The following ACSS3 variants were observed in gnomAD, a reference collection of about 807,000 sequenced individuals.
The protein encoded by ACSS3 is acyl-CoA synthetase short-chain family member 3, mitochondrial.
In ACSS3, 64 loss-of-function variants were observed where a neutral mutation model predicts 84.2. The observed-to-expected ratio is 0.76, with a 90% CI of 0.62 to 0.94. The LOEUF (loss-of-function observed/expected upper bound fraction) is 0.94, where lower values mean the gene tolerates loss of function less well. ACSS3 is among the 40% of genes least tolerant of loss of function. The pLI is 0.00. For synonymous variants in ACSS3, 317 were observed against 310.1 expected (o/e 1.02, Z -0.23); for missense variants, 815 against 867.6 (o/e 0.94, Z 0.76).
chr12:81,137,282 A>T (rs1299517768), intron 3 of ACSS3, among the ~76,000 whole-genome samples: 27 of 151,750 alleles, frequency 1.8e-4, no homozygotes, highest in Non-Finnish European at 4.0e-4. Flanking sequence ...ATAAGGATTT[A>T]AAAAACTTAT....
At chr12:81,212,004 C>T (rs925730038) in intron 9 of ACSS3, among the ~76,000 whole-genome samples, 3 of 152,248 alleles carry the variant, frequency 2.0e-5, no homozygotes, top group South Asian at 4.1e-4. Flanking sequence ...ATATTCTTTT[C>T]CCCTAAATAT....
intron 1 of ACSS3, among the ~76,000 whole-genome samples, chr12:81,109,307 A>T (rs1392331088): frequency 1.3e-5 from 2 of 152,146 alleles, no homozygotes; most frequent in African/African-American, 4.8e-5. Flanking sequence ...AAAATCCACA[A>T]AGTCGCCAGC....
chr12:81,147,683 G>GGAT, intron 5 of ACSS3, among the ~76,000 whole-genome samples: 1 of 152,210 alleles, frequency 6.6e-6, no homozygotes, highest in Non-Finnish European at 1.5e-5. Flanking sequence ...TAGAAAAAGG[G>GGAT]GATGCCATCT....
At chr12:81,216,788 T>C (rs1327240772) in intron 9 of ACSS3, 113 bp from the exon 10 acceptor site, 1 of 754,414 alleles carries the variant, frequency 1.3e-6, no homozygotes, top group Non-Finnish European at 2.2e-6. Context: ...CATCTATTCC[T>C]AACACAGCTG....
At chr12:81,106,385 T>A (rs1565978277) in intron 1 of ACSS3, among the ~76,000 whole-genome samples, 3 of 152,196 alleles carry the variant, frequency 2.0e-5, no homozygotes. Flanking sequence ...ACTGTCTAGT[T>A]ACAGGAAAAC....
At chr12:81,173,211 T>A (rs1047913534) in intron 7 of ACSS3, among the ~76,000 whole-genome samples, 2 of 152,232 alleles carry the variant, frequency 1.3e-5, no homozygotes, top group Admixed American at 6.5e-5. Context: ...TTCAGACTGA[T>A]GTACTAAAGC....
intron 11 of ACSS3, among the ~76,000 whole-genome samples, chr12:81,226,717 T>G (rs1287291909): frequency 6.6e-6 from 1 of 151,906 alleles, no homozygotes; most frequent in Non-Finnish European, 1.5e-5. Flanking sequence ...ATCTAGAATA[T>G]AAACTTTCTA....
chr12:81,218,726 G>A (rs943457899), intron 10 of ACSS3, among the ~76,000 whole-genome samples: 7 of 152,028 alleles, frequency 4.6e-5, no homozygotes, highest in Admixed American at 1.3e-4. Flanking sequence ...TTCTCTGTTA[G>A]TATTTCAGTG....
At chr12:81,189,750 T>G (rs2135868032) in intron 8 of ACSS3, among the ~76,000 whole-genome samples, 1 of 152,298 alleles carries the variant, frequency 6.6e-6, no homozygotes, top group Middle Eastern at 3.4e-3. Flanking sequence ...AAGTCTTATT[T>G]AAGACATAGG....
intron 8 of ACSS3, among the ~76,000 whole-genome samples, chr12:81,186,867 A>G (rs985037364): frequency 6.6e-6 from 1 of 151,874 alleles, no homozygotes; most frequent in Non-Finnish European, 1.5e-5. Context: ...GTATATACTC[A>G]AAGGAAATGA....
At chr12:81,143,921 A>T (rs1886206791) in intron 5 of ACSS3, among the ~76,000 whole-genome samples, 1 of 152,168 alleles carries the variant, frequency 6.6e-6, no homozygotes, top group Non-Finnish European at 1.5e-5. Flanking sequence ...TCCAAATAAC[A>T]CTGTTTCTTC....
At chr12:81,105,242 T>C (rs1882886147) in intron 1 of ACSS3, among the ~76,000 whole-genome samples, 1 of 152,080 alleles carries the variant, frequency 6.6e-6, no homozygotes, top group Admixed American at 6.6e-5. Flanking sequence ...TTCAAAACAA[T>C]TTTTTTAGAA....
intron 13 of ACSS3, among the ~76,000 whole-genome samples, chr12:81,236,216 G>C (rs1459442178): frequency 6.6e-6 from 1 of 151,506 alleles, no homozygotes; most frequent in South Asian, 2.1e-4. Context: ...TCTATTAATA[G>C]GAATATGTGA....
intron 13 of ACSS3, among the ~76,000 whole-genome samples, chr12:81,247,110 G>C (rs2034007049): frequency 6.7e-6 from 1 of 148,272 alleles, no homozygotes; most frequent in African/African-American, 2.5e-5. Flanking sequence ...ATATTATCTT[G>C]TTTTTAAACG....
At chr12:81,109,425 C>A in intron 1 of ACSS3, 135 bp from the exon 2 acceptor site, 1 of 897,860 alleles carries the variant, frequency 1.1e-6, no homozygotes, top group Non-Finnish European at 1.6e-6. Flanking sequence ...TTACAGCTGT[C>A]ATTACTTGAC....
chr12:81,139,732 T>C (rs1229874989), intron 4 of ACSS3, among the ~76,000 whole-genome samples: 1 of 151,078 alleles, frequency 6.6e-6, no homozygotes, highest in East Asian at 1.9e-4. Flanking sequence ...GCCCCCTGGG[T>C]TCATGCCATT....
In ACSS3 at chr12:81,101,456, A is replaced by G. The variant is rs1189420851; in HGVS notation, c.312-8104A>G. Among the ~76,000 whole-genome samples, 3 of 152,134 alleles carry G rather than the reference A, an allele frequency of 2.0e-5. No individual in the cohort carries two copies. In the East Asian group the frequency reaches 5.8e-4, roughly 29 times the overall value. ...CCAATTTTTCTCTTACCTGGAGTTT[A>G]CCACTATTATTTTCTTAAGCATTTT... On this transcript the variant is annotated intron_variant, in intron 1 of 15. Coordinates refer to ENST00000548058, the MANE Select transcript of ACSS3 (RefSeq NM_024560.4).
Position 81,239,346 on chromosome 12 carries a change from G to C in ACSS3, c.1719+5875G>C, listed in dbSNP as rs181536997. Among the ~76,000 whole-genome samples the C allele has an allele frequency of 2.4e-4, 36 of 151,886 alleles. 1 individual carries two copies. Among genetic ancestry groups the C allele is most frequent in the Admixed American group, 2.4e-3 (36 of 15,190 alleles). On this transcript the variant is annotated intron_variant, in intron 13 of 15. Coordinates refer to ENST00000548058, the MANE Select transcript of ACSS3 (RefSeq NM_024560.4). ...AATCTTCATTCAACAATTTCATTCA[G>C]AGACAAGGAAAAAACATAAATCAGA...
intron 1 of ACSS3, among the ~76,000 whole-genome samples, chr12:81,091,924 G>A (rs936574326): frequency 6.6e-6 from 1 of 152,028 alleles, no homozygotes; most frequent in African/African-American, 2.4e-5. Context: ...ACTTGCTAAT[G>A]CTCACTTGCC....
Sources: gnomAD v4.1 joint callset for allele counts (sites outside exome capture counted in the v4.1 genomes callset) on GRCh38, gnomAD v4.1.1 for gene constraint, MANE v1.5 for transcripts, NCBI Gene and HGNC (gene_info 2026-07-23, HGNC 2026-07-21) for gene names.